FHIT: variants seen among roughly 807,000 people sequenced by gnomAD.
FHIT encodes the protein fragile histidine triad diadenosine triphosphatase.
Under a neutral mutation model 17.9 loss-of-function variants are expected in FHIT, and 19 were observed. That is an observed-to-expected ratio of 1.06 (90% confidence interval 0.74 to 1.56). The LOEUF is 1.56. Ranked by LOEUF, FHIT falls within the 40% of genes most tolerant of loss-of-function variation. FHIT has a pLI of 0.00. For synonymous variants in FHIT, 81 were observed against 69.7 expected, an observed-to-expected ratio of 1.16 and a Z score of -0.81; for missense variants, 248 against 189.2, an observed-to-expected ratio of 1.31 and a Z score of -1.82.
intron 3 of FHIT, among the ~76,000 whole-genome samples, chr3:60,934,727 C>G (rs1194786646): frequency 6.6e-6 from 1 of 152,146 alleles, no homozygotes; most frequent in Non-Finnish European, 1.5e-5. Flanking sequence ...GTCTAATGCC[C>G]TAATGCAAAT....
chr3:60,939,344 G>T (rs1461428325), intron 3 of FHIT, among the ~76,000 whole-genome samples: 2 of 152,096 alleles, frequency 1.3e-5, no homozygotes, highest in African/African-American at 4.8e-5. Flanking sequence ...GTCTAAGGTT[G>T]CTCTCATCAT....
rs930562913 is a variant in FHIT, at chr3:60,666,712, A to G, written c.-17-129733T>C. 5.3e-5 allele frequency among the ~76,000 whole-genome samples: 8 copies of G among 152,270 alleles called. No individual in the cohort carries two copies. The South Asian group carries it at 1.7e-3, about 32-fold the overall frequency. On this transcript the variant is annotated intron_variant, in intron 4 of 9. Transcript: ENST00000492590. ...GAGACAGGATCTCCCTCTATCACCCAGGCTGGAGTATAGTGGCACAATCAC... is the reference window on the plus strand; with the variant it reads ...GAGACAGGATCTCCCTCTATCACCCGGGCTGGAGTATAGTGGCACAATCAC...
At chr3:60,970,020 C>T (rs763931268) in intron 3 of FHIT, among the ~76,000 whole-genome samples, 17 of 152,026 alleles carry the variant, frequency 1.1e-4, no homozygotes, top group African/African-American at 2.4e-4. Context: ...GATGGGGTTT[C>T]GCCATGTTTT....
intron 4 of FHIT, among the ~76,000 whole-genome samples, chr3:60,757,725 C>G (rs13070504): frequency 0.19 from 29,526 of 152,092 alleles, 3,426 homozygotes; most frequent in Non-Finnish European, 0.25. Context: ...CACTAGAGTG[C>G]GTTTGGAATT....
At chr3:61,234,191 G>A (rs6445198) in intron 1 of FHIT, among the ~76,000 whole-genome samples, 5 of 151,786 alleles carry the variant, frequency 3.3e-5, no homozygotes, top group Non-Finnish European at 5.9e-5. Context: ...GTGAGGATTC[G>A]AGATCCATAG....
chr3:60,142,621 C>A (rs1299509983), intron 5 of FHIT, among the ~76,000 whole-genome samples: 2 of 152,034 alleles, frequency 1.3e-5, no homozygotes, highest in African/African-American at 4.8e-5. Flanking sequence ...CCTGCCTCAG[C>A]CACCCAAGTA....
At chr3:60,133,439 G>C (rs1432186936) in intron 5 of FHIT, among the ~76,000 whole-genome samples, 1 of 152,186 alleles carries the variant, frequency 6.6e-6, no homozygotes, top group Non-Finnish European at 1.5e-5. Flanking sequence ...GGCAAGCACA[G>C]ATGTCCTGCT....
chr3:60,589,251 G>T (rs1553663269), intron 4 of FHIT, among the ~76,000 whole-genome samples: 1 of 152,070 alleles, frequency 6.6e-6, no homozygotes, highest in East Asian at 1.9e-4. Flanking sequence ...CAGATGCAAA[G>T]CACGTGGAGT....
intron 8 of FHIT, among the ~76,000 whole-genome samples, chr3:59,755,808 A>ATCACCTTGGTTTCACAAAGAAAC (rs1485516622): frequency 5.3e-5 from 8 of 152,190 alleles, no homozygotes; most frequent in South Asian, 4.1e-4. Flanking sequence ...GCTTTTGAGT[A>ATCACCTTGGTTTCACAAAGAAAC]TCACCTTGGT....
rs746649804 is a variant in FHIT at position 61,036,901 on chromosome 3, G to GTTTTTTTTTTTT, written c.-111+5134_-111+5145dup. 2.1e-3 allele frequency among the ~76,000 whole-genome samples: 147 copies of GTTTTTTTTTTTT among 70,280 alleles called. 9 individuals carry two copies. Among genetic ancestry groups the GTTTTTTTTTTTT allele is most frequent in the African/African-American group, 4.4e-3 (138 of 31,302 alleles). The allele number at this position is 70,280 out of a possible 152,430, so 46.1% of individuals were successfully genotyped here. On this transcript the variant is annotated intron_variant, in intron 3 of 9. Coordinates refer to ENST00000492590, the MANE Select transcript of FHIT (RefSeq NM_002012.4). ...TTCACCTCAAAGATCAGTCTGCTTT[G>GTTTTTTTTTTTT]TTTTTTTTTTTTGTTTGTTTGTTTT...
intron 4 of FHIT, among the ~76,000 whole-genome samples, chr3:60,646,059 A>G (rs1400965410): frequency 1.8e-4 from 27 of 152,226 alleles, no homozygotes; most frequent in Admixed American, 1.8e-3. Flanking sequence ...AACTTTTGCA[A>G]GAGCCCAGAT....
chr3:60,541,089 C>T (rs952320985), intron 4 of FHIT, among the ~76,000 whole-genome samples: 2 of 152,198 alleles, frequency 1.3e-5, no homozygotes, highest in African/African-American at 4.8e-5. Context: ...AATCCCTGGG[C>T]CTTTTCCTAC....
chr3:60,040,473 A>C (rs897036607), intron 5 of FHIT, among the ~76,000 whole-genome samples: 1 of 151,976 alleles, frequency 6.6e-6, no homozygotes, highest in Non-Finnish European at 1.5e-5. Context: ...TCCTTTCTTC[A>C]TACCATAACT....
intron 5 of FHIT, among the ~76,000 whole-genome samples, chr3:60,364,761 T>C (rs1188876256): frequency 6.6e-6 from 1 of 152,170 alleles, no homozygotes; most frequent in Non-Finnish European, 1.5e-5. Context: ...ACAACAGATA[T>C]CCTTTCCTAA....
chr3:60,158,653 C>A (rs753072827), intron 5 of FHIT, among the ~76,000 whole-genome samples: 3 of 152,122 alleles, frequency 2.0e-5, no homozygotes, highest in Non-Finnish European at 4.4e-5. Flanking sequence ...GGTCACTGCA[C>A]AACTCCTGAG....
At chr3:61,196,522 T>C (rs2038857808) in intron 2 of FHIT, among the ~76,000 whole-genome samples, 1 of 152,184 alleles carries the variant, frequency 6.6e-6, no homozygotes, top group South Asian at 2.1e-4. Context: ...TGGCACACTC[T>C]AAATCCTAAA....
intron 8 of FHIT, among the ~76,000 whole-genome samples, chr3:59,884,913 C>G (rs1186484063): frequency 1.3e-5 from 2 of 152,080 alleles, no homozygotes; most frequent in African/African-American, 4.8e-5. Context: ...TGATTGTATC[C>G]AAATAGTTTA....
intron 4 of FHIT, among the ~76,000 whole-genome samples, chr3:60,585,905 C>A (rs1232904218): frequency 6.6e-5 from 10 of 151,784 alleles, no homozygotes; most frequent in African/African-American, 2.4e-4. Flanking sequence ...TCCTTGGGGA[C>A]TTCTCAGAGC....
intron 5 of FHIT, among the ~76,000 whole-genome samples, chr3:60,252,598 G>C (rs213398): frequency 6.6e-6 from 1 of 151,450 alleles, no homozygotes; most frequent in Non-Finnish European, 1.5e-5. Context: ...GGAAATAAAC[G>C]TGTGCTCAAA....
Sources: allele counts gnomAD v4.1 joint callset (sites outside exome capture counted in the v4.1 genomes callset), GRCh38; gene constraint gnomAD v4.1.1; transcripts MANE v1.5; gene names NCBI Gene and HGNC (gene_info 2026-07-23, HGNC 2026-07-21).